Variants in ZFP30 observed in about 807,000 individuals in gnomAD.
ZFP30 encodes zinc finger protein 30 homolog.
ZFP30 carries 16 observed loss-of-function variants against 12.3 expected under a neutral mutation model. That is an observed-to-expected ratio of 1.30 (90% CI 0.88 to 1.98). The LOEUF (loss-of-function observed/expected upper bound fraction) is 1.98. ZFP30 is among the 30% of genes most tolerant of loss of function. The pLI is 0.00. For missense variants in ZFP30, 560 were observed against 611.2 expected, an observed-to-expected ratio of 0.92 and a Z score of 0.88; for synonymous variants, 172 against 201.0, an observed-to-expected ratio of 0.86 and a Z score of 1.22.
intron 3 of ZFP30, among the ~76,000 whole-genome samples, chr19:37,646,103 C>G (rs2044538673): frequency 6.6e-6 from 1 of 152,174 alleles, no homozygotes; most frequent in Non-Finnish European, 1.5e-5. Context: ...ACACTAACCA[C>G]TCCGCCCCAC....
At chr19:37,636,330 T>C (rs1281239975) in intron 5 of ZFP30, 25 bp from the exon 6 acceptor site, 4 of 1,537,798 alleles carry the variant, frequency 2.6e-6, no homozygotes, top group Middle Eastern at 2.3e-4. Flanking sequence ...GACCAAAACA[T>C]ATTTTCCTGT....
chr19:37,644,976 C>A (rs936636454), intron 3 of ZFP30, among the ~76,000 whole-genome samples: 1 of 151,878 alleles, frequency 6.6e-6, no homozygotes, highest in Non-Finnish European at 1.5e-5. Flanking sequence ...GAGGCCGAGG[C>A]AGGCAGATCA....
chr19:37,634,852 T>G lies in ZFP30; in HGVS notation c.*129A>C, dbSNP rs1477456207. The G allele has an allele frequency of 6.8e-6, 7 of 1,028,308 alleles. No individual in the cohort carries two copies. The highest frequency in any genetic ancestry group is 3.5e-5 in the Admixed American group (1 of 28,732). The allele number at this position is 1,028,308 out of a possible 1,614,324, so 63.7% of individuals were successfully genotyped here. A position where few individuals can be genotyped will look rare whatever the true frequency, so the allele number is the denominator to read the frequency against. On this transcript the variant is annotated 3_prime_UTR_variant, in exon 6 of 6. Coordinates refer to ENST00000684514, the MANE Select transcript of ZFP30 (RefSeq NM_001320669.3). ...TATGTTCATTAACATATTCTTTCCT[T>G]TAAATAAAACTTCCTATGCTTAGTT...
Position 37,635,516 on chromosome 19 carries a change from G to A in ZFP30, c.1025C>T (p.Thr342Ile), listed in dbSNP as rs983365112. The A allele has an allele frequency of 3.7e-6, 6 of 1,613,848 alleles. No individual in the cohort carries two copies. Among genetic ancestry groups the A allele is most frequent in the Non-Finnish European group, 5.1e-6 (6 of 1,179,968 alleles). Residue 342 changes from threonine (T) to isoleucine (I), a missense_variant, in exon 6 of 6, where the codon ACT becomes ATT. Transcript: ENST00000684514. ...ACCAGTGTGAATTCTCTGATGGAGA[G>A]TAAGTTGCTGCCGCACTCTAAAGGC... Reference protein sequence around the residue: ...GKAFRVRQQLTLHQRIHTGEK... With the variant: ...GKAFRVRQQLILHQRIHTGEK...
intron 1 of ZFP30, 116 bp downstream of exon 1, chr19:37,655,304 C>T (rs2044732975): frequency 6.6e-6 from 1 of 152,406 alleles, no homozygotes; most frequent in Non-Finnish European, 1.5e-5. Context: ...GCCTGAGGCT[C>T]CACAGGAACC....
chr19:37,644,648 T>C lies in ZFP30; in HGVS notation c.98A>G (p.Asp33Gly), dbSNP rs149446640. 13 of 1,612,612 alleles carry C rather than the reference T, an allele frequency of 8.1e-6. No homozygotes were observed. The African/African-American group carries it at 1.7e-4, about 22-fold the overall frequency. The change falls in exon 4 of 6, where the codon GAT becomes GGT. Residue 33 changes from aspartate to glycine, a missense_variant. Physicochemically the swap from Asp to Gly is moderately conservative, Grantham distance 94 (BLOSUM62 -1). Transcript: ENST00000684514. ...GTTGCTATAGTTCTCTAATATCACATCTCTGTACAAATTCCTCTGATATGA... is the reference window on the plus strand; with the variant it reads ...GTTGCTATAGTTCTCTAATATCACACCTCTGTACAAATTCCTCTGATATGA... ...LNSYQRNLYR[D>G]VILENYSNLV... is the part of the protein sequence containing the mutation.
intron 3 of ZFP30, 125 bp downstream of exon 3, chr19:37,647,689 G>T (rs1773546792): frequency 8.3e-7 from 1 of 1,209,638 alleles, no homozygotes; most frequent in Non-Finnish European, 1.2e-6. Context: ...GTGCTGGAAT[G>T]GGGAAGACTG....
Position 37,635,341 on chromosome 19 carries a change from A to T in ZFP30, c.1200T>A (p.His400Gln), listed in dbSNP as rs1467751378. The change falls in exon 6 of 6, where the codon CAT (histidine) becomes CAA (glutamine). Residue 400 changes from histidine (H) to glutamine (Q), a missense_variant. Coordinates refer to ENST00000684514, the MANE Select transcript of ZFP30 (RefSeq NM_001320669.3). The stretch of plus-strand genomic sequence containing the variant: ...GTTTCTCTCCAATGTGAATACCCTG[A>T]TGTGAAATAAGTTCTGAGTAACGAC... ...FFRRYSELIS[H>Q]QGIHIGEKPY... is the part of the protein sequence containing the mutation. 6.2e-7 allele frequency: 1 copy of T among 1,614,116 alleles called. No homozygotes were observed.
intron 5 of ZFP30, among the ~76,000 whole-genome samples, chr19:37,640,502 GC>G (rs1392363904): frequency 6.6e-6 from 1 of 150,980 alleles, no homozygotes; most frequent in African/African-American, 2.4e-5. Context: ...AGTCTAGTAA[GC>G]ACTGCTAATG....
intron 5 of ZFP30, among the ~76,000 whole-genome samples, chr19:37,642,382 A>C (rs2044453112): frequency 6.6e-6 from 1 of 152,210 alleles, no homozygotes; most frequent in Non-Finnish European, 1.5e-5. Context: ...AATACACTGC[A>C]GTCATTATAT....
At chr19:37,652,076 T>C (rs1899588211) in intron 2 of ZFP30, among the ~76,000 whole-genome samples, 1 of 152,142 alleles carries the variant, frequency 6.6e-6, no homozygotes, top group Non-Finnish European at 1.5e-5. Flanking sequence ...TCAACTTAAC[T>C]GAAATTTCCA....
At position 37,635,669 on chromosome 19, in the gene ZFP30, A is replaced by G. The variant is rs2044309178; in HGVS notation, c.872T>C (p.Leu291Pro). 3 of 1,614,062 alleles carry G rather than the reference A, an allele frequency of 1.9e-6. No individual in the cohort carries two copies. The Admixed American group carries it at 5.0e-5, about 27-fold the overall frequency. The change falls in exon 6 of 6, where the codon CTG becomes CCG. Residue 291 changes from leucine to proline, a missense_variant. Coordinates refer to ENST00000684514, the MANE Select transcript of ZFP30 (RefSeq NM_001320669.3). Reference sequence around the variant, plus strand: ...CTCATAGCACTTCTCAGCAATGTTCAGTCTCTGATGTCGAGTAAGGTGTGC... The same window carrying G: ...CTCATAGCACTTCTCAGCAATGTTCGGTCTCTGATGTCGAGTAAGGTGTGC... ...QYAHLTRHQRLNIAEKCYECK... is the reference protein window; with the variant it reads ...QYAHLTRHQRPNIAEKCYECK...
chr19:37,644,900 T>C (rs1308525778), intron 3 of ZFP30, among the ~76,000 whole-genome samples, 164 bp from the exon 4 acceptor site: 8 of 151,610 alleles, frequency 5.3e-5, no homozygotes, highest in African/African-American at 1.2e-4. Context: ...CTAGACAACA[T>C]ACCAAGAACT....
rs1278956258 is a variant in ZFP30, at chr19:37,632,863, ACTCATT to A, written c.*2112_*2117del. The A allele has an allele frequency of 6.6e-6, 1 of 152,110 alleles. No individual in the cohort carries two copies. Among genetic ancestry groups the A allele is most frequent in the African/African-American group, 2.4e-5 (1 of 41,404 alleles). 9.4% of individuals were successfully genotyped at this position (152,110 alleles called of 1,614,324 possible). On this transcript the variant is annotated 3_prime_UTR_variant, in exon 6 of 6. Coordinates refer to ENST00000684514, the MANE Select transcript of ZFP30 (RefSeq NM_001320669.3). Reference sequence around the variant, plus strand: ...TTAGCAGTAGTAATTGCTTTCTTTTACTCATTCTTTAAACATATGAAGTGAGAGTCG... The same window carrying A: ...TTAGCAGTAGTAATTGCTTTCTTTTACTTTAAACATATGAAGTGAGAGTCG...
chr19:37,637,646 C>T (rs1002338122), intron 5 of ZFP30, among the ~76,000 whole-genome samples: 2 of 152,036 alleles, frequency 1.3e-5, no homozygotes, highest in African/African-American at 4.8e-5. Context: ...CCCGCCACCA[C>T]ACCTGGCTAA....
At chr19:37,643,746 A>T (rs1426305994) in intron 4 of ZFP30, among the ~76,000 whole-genome samples, 1 of 152,194 alleles carries the variant, frequency 6.6e-6, no homozygotes, top group East Asian at 1.9e-4. Flanking sequence ...TAACCATCAT[A>T]TATGTTCATG....
rs191597487 is a variant in ZFP30, at chr19:37,634,047, T to C, written c.*934A>G. On this transcript the variant is annotated 3_prime_UTR_variant, in exon 6 of 6. Coordinates refer to ENST00000684514, the MANE Select transcript of ZFP30 (RefSeq NM_001320669.3). ...TTACATGTTTGTTCAACTCATGATC[T>C]AAGTAAAAACCACTGTTTCATTGCA... 1 of 152,370 alleles carries C rather than the reference T, an allele frequency of 6.6e-6. No individual in the cohort carries two copies. Among genetic ancestry groups the C allele is most frequent in the Admixed American group, 6.5e-5 (1 of 15,308 alleles). The allele number at this position is 152,370 out of a possible 1,614,324, so 9.4% of individuals were successfully genotyped here.
chr19:37,647,904 A>G lies in ZFP30; in HGVS notation c.-77-5T>C. 6.6e-7 allele frequency: 1 copy of G among 1,507,416 alleles called. No individual in the cohort carries two copies. Among genetic ancestry groups the G allele is most frequent in the South Asian group, 1.1e-5 (1 of 87,808 alleles). The allele number at this position is 1,507,416 out of a possible 1,614,324, so 93.4% of individuals were successfully genotyped here. On this transcript the variant is annotated splice_polypyrimidine_tract_variant and splice_region_variant and intron_variant, in intron 2 of 5. Coordinates refer to ENST00000684514, the MANE Select transcript of ZFP30 (RefSeq NM_001320669.3). ...CAGGGTCCACAGACACCAGAGCTGC[A>G]GAAAGAACATGTAAAATCATGAGAA... is the stretch of plus-strand genomic sequence containing the variant.
In ZFP30 at chr19:37,644,667, GAT is replaced by G; in HGVS notation, c.77_78del (p.Tyr26SerfsTer14). The G allele has an allele frequency of 1.9e-6, 3 of 1,613,300 alleles. No homozygotes were observed. Among genetic ancestry groups the G allele is most frequent in the Non-Finnish European group, 2.5e-6 (3 of 1,179,652 alleles). ...ATCACATCTCTGTACAAATTCCTCT[GAT>G]ATGAGTTCAGGCATTCCCATTCTTC... ...SQEEWECLNS[Y>X]QRNLYRDVIL... On this transcript the variant is annotated frameshift_variant, in exon 4 of 6. Transcript: ENST00000684514. LOFTEE classifies it high-confidence loss of function.
Sources: allele counts gnomAD v4.1 joint callset (sites outside exome capture counted in the v4.1 genomes callset), GRCh38; gene constraint gnomAD v4.1.1; transcripts MANE v1.5; gene names NCBI Gene and HGNC (gene_info 2026-07-23, HGNC 2026-07-21).